Variants in AR observed in about 807,000 individuals in gnomAD.
AR encodes the protein dihydrotestosterone receptor.
Under a neutral mutation model 53.9 loss-of-function variants are expected in AR, and 8 were observed. That is an observed-to-expected ratio of 0.15 (90% CI 0.09 to 0.27). The LOEUF is 0.27. Among genes scored for constraint, AR ranks in the 10% least tolerant of loss-of-function variants. The pLI is 1.00. For missense variants in AR, 639 were observed against 742.5 expected, an observed-to-expected ratio of 0.86 and a Z score of 1.62; for synonymous variants, 359 against 316.4, an observed-to-expected ratio of 1.13 and a Z score of -1.43.
chrX:67,595,125 A>G (rs997566004), intron 1 of AR, among the ~76,000 whole-genome samples: 11 of 111,661 alleles, frequency 9.9e-5, no homozygotes, highest in African/African-American at 3.3e-4. Context: ...GGTTGCCTCA[A>G]CAGTGCTCAA....
intron 3 of AR, among the ~76,000 whole-genome samples, chrX:67,694,350 C>T (rs780069697): frequency 1.8e-5 from 2 of 109,860 alleles, no homozygotes. Flanking sequence ...ACCCCACCCC[C>T]ACATACACAC....
intron 5 of AR, among the ~76,000 whole-genome samples, chrX:67,721,437 G>T (rs1030310397): frequency 3.6e-5 from 4 of 111,898 alleles, no homozygotes; most frequent in Non-Finnish European, 7.5e-5. Context: ...TGCCTGGAAG[G>T]CAGGTTCTCA....
chrX:67,569,029 G>A (rs772984535), intron 1 of AR: 1 of 1,209,977 alleles, frequency 8.3e-7, no homozygotes, highest in Non-Finnish European at 1.1e-6. Flanking sequence ...ACAGGTGGGA[G>A]GTTCTTCAAT....
chrX:67,597,677 C>T (rs761579430), intron 1 of AR, among the ~76,000 whole-genome samples: 1 of 111,878 alleles, frequency 8.9e-6, no homozygotes, highest in Non-Finnish European at 1.9e-5. Context: ...ACTATCTGCT[C>T]ACTGCCCTGA....
intron 6 of AR, 186 bp downstream of exon 6, chrX:67,722,149 T>C (rs1341002266): frequency 1.2e-5 from 6 of 512,285 alleles, no homozygotes; most frequent in Middle Eastern, 5.7e-4. Flanking sequence ...ATTTCATGAC[T>C]AGAAGCCAAT....
intron 1 of AR, among the ~76,000 whole-genome samples, chrX:67,615,791 C>T (rs974085319): frequency 7.2e-5 from 8 of 111,357 alleles, no homozygotes; most frequent in Admixed American, 2.9e-4. Context: ...AATGGTATCA[C>T]ATGGTAAATT....
At position 67,544,357 on chromosome X, in the gene AR, C is replaced by G. The variant is rs1449594686; in HGVS notation, c.-790C>G. 263 of 115,458 alleles carry G rather than the reference C, an allele frequency of 2.3e-3. No homozygotes were observed. The highest frequency in any genetic ancestry group is 3.5e-3 in the Non-Finnish European group (213 of 60,432). 9.5% of individuals were successfully genotyped at this position (115,458 alleles called of 1,213,427 possible). On this transcript the variant is annotated 5_prime_UTR_variant, in exon 1 of 8. Coordinates refer to ENST00000374690, the MANE Select transcript of AR (RefSeq NM_000044.6). ...CTCCTCCTCTCCACCCCGCCTCCCC[C>G]CACCCTGCCTTCCCCCCCTCCCCCG... is the stretch of plus-strand genomic sequence containing the variant.
intron 1 of AR, among the ~76,000 whole-genome samples, chrX:67,592,297 T>C (rs1425035156): frequency 8.9e-6 from 1 of 112,274 alleles, no homozygotes; most frequent in East Asian, 2.8e-4. Context: ...TCTCACATGC[T>C]AAGCAAGCAC....
chrX:67,679,758 G>A (rs961703545), intron 2 of AR, among the ~76,000 whole-genome samples: 1 of 111,352 alleles, frequency 9.0e-6, no homozygotes, highest in Non-Finnish European at 1.9e-5. Flanking sequence ...CCTGTCTGTT[G>A]CCCATTTTTC....
At chrX:67,657,601 G>T (rs1926652464) in intron 2 of AR, among the ~76,000 whole-genome samples, 1 of 112,121 alleles carries the variant, frequency 8.9e-6, no homozygotes, top group African/African-American at 3.2e-5. Context: ...GGAGTGCATT[G>T]TGTCTGGTGG....
chrX:67,633,116 A>G (rs1339336515), intron 1 of AR, among the ~76,000 whole-genome samples: 2 of 112,339 alleles, frequency 1.8e-5, no homozygotes, highest in Non-Finnish European at 3.8e-5. Flanking sequence ...TTAAAAAATT[A>G]CTATTTGTTA....
intron 1 of AR, among the ~76,000 whole-genome samples, chrX:67,630,200 T>G (rs1239571813): frequency 9.0e-6 from 1 of 110,859 alleles, no homozygotes; most frequent in Non-Finnish European, 1.9e-5. Context: ...CCTTGTTAAC[T>G]TTCTGTCTCG....
At chrX:67,694,801 G>GGCTTAGGA (rs2076012172) in intron 3 of AR, 1 of 1,126,602 alleles carries the variant, frequency 8.9e-7, no homozygotes, top group East Asian at 3.3e-5. Context: ...TGGCGTCTGA[G>GGCTTAGGA]GCTTAGGAGC....
chrX:67,606,376 A>G (rs1213437254), intron 1 of AR, among the ~76,000 whole-genome samples: 1 of 112,236 alleles, frequency 8.9e-6, no homozygotes, highest in African/African-American at 3.2e-5. Flanking sequence ...ATGTGACGTT[A>G]TGATATATGT....
intron 1 of AR, among the ~76,000 whole-genome samples, chrX:67,550,151 C>T (rs1239979543): frequency 1.8e-5 from 2 of 111,582 alleles, no homozygotes; most frequent in African/African-American, 3.3e-5. Flanking sequence ...AGGAAGTAGC[C>T]CTCTTGCTTG....
At chrX:67,720,001 C>T (rs1420687590) in intron 5 of AR, among the ~76,000 whole-genome samples, 1 of 112,211 alleles carries the variant, frequency 8.9e-6, no homozygotes, top group Admixed American at 9.4e-5. Context: ...GAGCTTGAAC[C>T]TTAGCTGTGT....
chrX:67,631,241 A>C (rs1414982508), intron 1 of AR, among the ~76,000 whole-genome samples: 1 of 111,466 alleles, frequency 9.0e-6, no homozygotes, highest in Non-Finnish European at 1.9e-5. Flanking sequence ...GTGTTTTCCA[A>C]CTTGGTTCCA....
chrX:67,581,995 T>C (rs1922319662), intron 1 of AR, among the ~76,000 whole-genome samples: 1 of 111,711 alleles, frequency 9.0e-6, no homozygotes, highest in Non-Finnish European at 1.9e-5. Context: ...CCTCCCAATC[T>C]TGATCTCATT....
chrX:67,635,536 G>T (rs1268396793), intron 1 of AR, among the ~76,000 whole-genome samples: 1 of 110,896 alleles, frequency 9.0e-6, no homozygotes, highest in East Asian at 2.8e-4. Context: ...AAAGTTGGGG[G>T]ACAGGAGGAG....
Sources: allele counts gnomAD v4.1 joint callset (sites outside exome capture counted in the v4.1 genomes callset), GRCh38; gene constraint gnomAD v4.1.1; transcripts MANE v1.5; gene names NCBI Gene and HGNC (gene_info 2026-07-23, HGNC 2026-07-21).